The following TIAM1 variants were observed in gnomAD, a reference collection of about 807,000 sequenced individuals.
TIAM1 encodes the protein TIAM Rac1 associated GEF 1.
In TIAM1, 65 loss-of-function variants were observed where a neutral mutation model predicts 163.5. The ratio of observed to expected loss-of-function variants is 0.40; its 90% CI spans 0.33 to 0.49. TIAM1 has a LOEUF of 0.49. Among genes scored for constraint, TIAM1 ranks in the 20% least tolerant of loss-of-function variants. TIAM1 has a pLI of 0.77. For synonymous variants in TIAM1, 833 were observed against 810.1 expected, an observed-to-expected ratio of 1.03 and a Z score of -0.48; for missense variants, 1,789 against 2,044.7, an observed-to-expected ratio of 0.87 and a Z score of 2.41.
chr21:31,376,839 T>C (rs946322117), intron 2 of TIAM1, among the ~76,000 whole-genome samples: 2 of 151,788 alleles, frequency 1.3e-5, no homozygotes, highest in African/African-American at 4.8e-5. Flanking sequence ...GCTCTGCTTC[T>C]GAGATAGGAA....
At chr21:31,304,529 G>A (rs1156816767) in intron 2 of TIAM1, among the ~76,000 whole-genome samples, 1 of 152,164 alleles carries the variant, frequency 6.6e-6, no homozygotes, top group Non-Finnish European at 1.5e-5. Flanking sequence ...AGTACCGTAT[G>A]CCACAGGTAA....
At chr21:31,307,829 A>G (rs2074773852) in intron 2 of TIAM1, among the ~76,000 whole-genome samples, 1 of 152,170 alleles carries the variant, frequency 6.6e-6, no homozygotes, top group African/African-American at 2.4e-5. Flanking sequence ...AGGGAAGGTT[A>G]CAGGAAGATG....
chr21:31,487,262 C>T (rs1002157187), intron 1 of TIAM1, among the ~76,000 whole-genome samples: 4 of 152,188 alleles, frequency 2.6e-5, no homozygotes, highest in Non-Finnish European at 4.4e-5. Context: ...ACAGCCCCCA[C>T]GACAAAGAAT....
chr21:31,289,621 A>C (rs1277159456), intron 2 of TIAM1, among the ~76,000 whole-genome samples: 2 of 152,244 alleles, frequency 1.3e-5, no homozygotes, highest in African/African-American at 2.4e-5. Flanking sequence ...TTGGGAGAGA[A>C]TAAAAAGCAT....
At chr21:31,447,604 A>G (rs2044674023) in intron 2 of TIAM1, among the ~76,000 whole-genome samples, 1 of 152,178 alleles carries the variant, frequency 6.6e-6, no homozygotes, top group Non-Finnish European at 1.5e-5. Flanking sequence ...GAGTTCGGAG[A>G]TAAGAGGAGC....
At chr21:31,475,241 A>G (rs565596046) in intron 1 of TIAM1, among the ~76,000 whole-genome samples, 3 of 151,742 alleles carry the variant, frequency 2.0e-5, no homozygotes, top group Admixed American at 6.6e-5. Context: ...CTTTGTAGAG[A>G]CAGGGTTTCT....
chr21:31,391,328 C>T lies in TIAM1; in HGVS notation c.-368-51906G>A, dbSNP rs189869222. Among the ~76,000 whole-genome samples, 391 of 152,048 alleles carry T rather than the reference C, an allele frequency of 2.6e-3. 1 individual carries two copies. Among genetic ancestry groups the T allele is most frequent in the African/African-American group, 9.1e-3 (378 of 41,494 alleles). ...TAACTCTGAATCCAGCTTTCCAAGTCGTTATGAAAGTCTAGGCCGGGCGCA... is the reference window on the plus strand; with the variant it reads ...TAACTCTGAATCCAGCTTTCCAAGTTGTTATGAAAGTCTAGGCCGGGCGCA... On this transcript the variant is annotated intron_variant, in intron 2 of 28. Transcript: ENST00000286827.
At chr21:31,317,749 C>T (rs916469642) in intron 2 of TIAM1, among the ~76,000 whole-genome samples, 17 of 152,136 alleles carry the variant, frequency 1.1e-4, no homozygotes, top group Non-Finnish European at 4.4e-5. Flanking sequence ...CACTACATTC[C>T]AACCTGGGCA....
intron 14 of TIAM1, among the ~76,000 whole-genome samples, chr21:31,184,356 T>C (rs1017921944): frequency 8.5e-5 from 13 of 152,224 alleles, no homozygotes; most frequent in Non-Finnish European, 1.8e-4. Flanking sequence ...TCCGCCCACC[T>C]TGGCCTCCCA....
At chr21:31,476,970 G>A (rs2045952952) in intron 1 of TIAM1, among the ~76,000 whole-genome samples, 1 of 152,212 alleles carries the variant, frequency 6.6e-6, no homozygotes, top group Admixed American at 6.5e-5. Context: ...CAACAACCAA[G>A]TGTCAACTAA....
intron 1 of TIAM1, among the ~76,000 whole-genome samples, chr21:31,476,279 T>C (rs2045933384): frequency 6.6e-6 from 1 of 152,242 alleles, no homozygotes; most frequent in South Asian, 2.1e-4. Flanking sequence ...TCTCCTAGCT[T>C]TACTGCCATT....
intron 2 of TIAM1, among the ~76,000 whole-genome samples, chr21:31,315,992 G>A (rs577688736): frequency 1.3e-5 from 2 of 152,194 alleles, no homozygotes; most frequent in East Asian, 1.9e-4. Context: ...ATAAACCTGC[G>A]ATGAAAGGAG....
intron 11 of TIAM1, among the ~76,000 whole-genome samples, chr21:31,206,733 GTAGA>G (rs920387441): frequency 6.6e-6 from 1 of 152,160 alleles, no homozygotes; most frequent in African/African-American, 2.4e-5. Context: ...AAAACACAAT[GTAGA>G]TATTTTCAGT....
At chr21:31,422,658 C>T (rs111573936) in intron 2 of TIAM1, among the ~76,000 whole-genome samples, 10 of 152,318 alleles carry the variant, frequency 6.6e-5, no homozygotes, top group Admixed American at 1.3e-4. Context: ...ACACCATCCA[C>T]GACTGCCACC....
intron 1 of TIAM1, among the ~76,000 whole-genome samples, chr21:31,510,085 G>A (rs7277750): frequency 0.014 from 2,061 of 152,206 alleles, 27 homozygotes; most frequent in South Asian, 0.042. Context: ...CCTAACCCGG[G>A]GTACCCGTAA....
At chr21:31,237,997 A>G (rs1248743802) in intron 6 of TIAM1, among the ~76,000 whole-genome samples, 3 of 152,220 alleles carry the variant, frequency 2.0e-5, no homozygotes, top group Non-Finnish European at 4.4e-5. Flanking sequence ...CATGACTCCA[A>G]CATTCCTGCT....
At chr21:31,451,760 T>TGAGAGA (rs1491134348) in intron 2 of TIAM1, among the ~76,000 whole-genome samples, 1 of 138,120 alleles carries the variant, frequency 7.2e-6, no homozygotes, top group Non-Finnish European at 1.6e-5. Flanking sequence ...TGTGTGTGTG[T>TGAGAGA]GAGACACAGA....
At chr21:31,479,568 A>G (rs1028711803) in intron 1 of TIAM1, among the ~76,000 whole-genome samples, 6 of 152,166 alleles carry the variant, frequency 3.9e-5, no homozygotes, top group African/African-American at 1.2e-4. Flanking sequence ...AGACCAGTTG[A>G]TATCATGCTG....
intron 2 of TIAM1, among the ~76,000 whole-genome samples, chr21:31,375,194 C>T (rs1434263373): frequency 6.6e-6 from 1 of 152,090 alleles, no homozygotes. Context: ...CTTTCACAAA[C>T]ATTTCAGATA....
Sources: gnomAD v4.1 joint callset for allele counts (sites outside exome capture counted in the v4.1 genomes callset) on GRCh38, gnomAD v4.1.1 for gene constraint, MANE v1.5 for transcripts, NCBI Gene and HGNC (gene_info 2026-07-23, HGNC 2026-07-21) for gene names.